SNAP29: variants seen among roughly 807,000 people sequenced by gnomAD.
The protein encoded by SNAP29 is synaptosome associated protein 29.
In SNAP29, 13 loss-of-function variants were observed where a neutral mutation model predicts 27.9. That is an observed-to-expected ratio of 0.47 (90% CI 0.30 to 0.74). The LOEUF (loss-of-function observed/expected upper bound fraction) is 0.74. Among genes scored for constraint, SNAP29 ranks in the 30% least tolerant of loss-of-function variants. The pLI, the probability that SNAP29 is intolerant of heterozygous loss-of-function variation, is 0.06. For missense variants in SNAP29, 368 were observed against 336.5 expected, an observed-to-expected ratio of 1.09 and a Z score of -0.73; for synonymous variants, 119 against 127.1, an observed-to-expected ratio of 0.94 and a Z score of 0.43.
intron 1 of SNAP29, among the ~76,000 whole-genome samples, chr22:20,860,131 G>A (rs560549891): frequency 1.1e-3 from 170 of 151,442 alleles, no homozygotes; most frequent in African/African-American, 4.0e-3. Context: ...GCGTCGGATC[G>A]CCTGAGCTCA....
rs2147864128 is a variant in SNAP29, at chr22:20,870,441, C to T, written c.342C>T (p.Ser114=). ...ISQKHINSIK[S]VFGGLVNYFK... ...AGAAACACATCAATAGCATTAAGAG[C>T]GTGTTTGGGGGGCTGGTCAATTACT... is the stretch of plus-strand genomic sequence containing the variant. The change falls in exon 2 of 5, where the codon AGC becomes AGT. Residue 114 remains serine, a synonymous_variant. Coordinates refer to ENST00000215730, the MANE Select transcript of SNAP29 (RefSeq NM_004782.4). 2.5e-6 allele frequency: 4 copies of T among 1,614,104 alleles called. No individual in the cohort carries two copies. Among genetic ancestry groups the T allele is most frequent in the East Asian group, 4.5e-5 (2 of 44,880 alleles).
At chr22:20,859,875 T>TA (rs1035717130) in intron 1 of SNAP29, among the ~76,000 whole-genome samples, 1 of 152,034 alleles carries the variant, frequency 6.6e-6, no homozygotes, top group Non-Finnish European at 1.5e-5. Flanking sequence ...CCAATAGAGG[T>TA]ATTGAAGTCC....
rs1929124979 is a variant in SNAP29, at chr22:20,890,543, G to A, written c.*2707G>A. 2.7e-6 allele frequency: 1 copy of A among 373,230 alleles called. No homozygotes were observed. The highest frequency in any genetic ancestry group is 1.5e-4 in the South Asian group (1 of 6,732). The allele number at this position is 373,230 out of a possible 1,614,324, so 23.1% of individuals were successfully genotyped here. ...GAGGCCAAGGCGGGGGGATCACGAG[G>A]TCAGGAGATCGAGACCATCCTGGCT... On this transcript the variant is annotated 3_prime_UTR_variant, in exon 5 of 5. Transcript: ENST00000215730.
chr22:20,859,827 G>A (rs1392962468), intron 1 of SNAP29, among the ~76,000 whole-genome samples: 2 of 152,158 alleles, frequency 1.3e-5, no homozygotes, highest in African/African-American at 2.4e-5. Flanking sequence ...GGTGGTCCAC[G>A]AGTTCTTCCC....
At chr22:20,875,163 C>G (rs1464533703) in intron 2 of SNAP29, among the ~76,000 whole-genome samples, 1 of 152,132 alleles carries the variant, frequency 6.6e-6, no homozygotes, top group Non-Finnish European at 1.5e-5. Flanking sequence ...ATCAGTGAGG[C>G]AGCCATAGTT....
At chr22:20,863,912 G>A (rs763959638) in intron 1 of SNAP29, among the ~76,000 whole-genome samples, 2 of 152,002 alleles carry the variant, frequency 1.3e-5, no homozygotes, top group Non-Finnish European at 2.9e-5. Context: ...TAATAGAATG[G>A]AGTTTGTTCC....
At chr22:20,869,958 A>AG (rs1338714010) in intron 1 of SNAP29, among the ~76,000 whole-genome samples, 1 of 151,900 alleles carries the variant, frequency 6.6e-6, no homozygotes, top group Non-Finnish European at 1.5e-5. Flanking sequence ...TTTAGTAGAG[A>AG]GGGGGTTTCA....
chr22:20,863,479 T>C (rs374772030), intron 1 of SNAP29, among the ~76,000 whole-genome samples: 30 of 152,332 alleles, frequency 2.0e-4, no homozygotes, highest in African/African-American at 6.5e-4. Flanking sequence ...GCCCTTCTCC[T>C]ACTGTGAAAC....
intron 4 of SNAP29, 101 bp from the exon 5 acceptor site, chr22:20,887,578 A>C: frequency 7.8e-7 from 1 of 1,285,278 alleles, no homozygotes; most frequent in Non-Finnish European, 1.1e-6. Context: ...CCCCCAGGCA[A>C]CACAGATCCC....
At chr22:20,870,243 G>C in intron 1 of SNAP29, 94 bp from the exon 2 acceptor site, 1 of 1,099,728 alleles carries the variant, frequency 9.1e-7, no homozygotes, top group East Asian at 2.4e-5. Context: ...TGTGCCCACT[G>C]AGAGTTTATG....
intron 1 of SNAP29, among the ~76,000 whole-genome samples, chr22:20,868,171 A>G (rs535451612): frequency 7.1e-4 from 108 of 152,366 alleles, no homozygotes; most frequent in African/African-American, 2.4e-3. Context: ...TGATGGAAGG[A>G]GCAGAAATGC....
Position 20,887,887 on chromosome 22 carries a change from T to C in SNAP29, c.*51T>C, listed in dbSNP as rs1238290226. 2 of 1,564,048 alleles carry C rather than the reference T, an allele frequency of 1.3e-6. No homozygotes were observed. The highest frequency in any genetic ancestry group is 1.8e-6 in the Non-Finnish European group (2 of 1,135,746). The stretch of plus-strand genomic sequence containing the variant: ...TGATGAAAAGATTTGAAAGATCTTT[T>C]TTTGAACTTCCAAGAAATTTCATTT... On this transcript the variant is annotated 3_prime_UTR_variant, in exon 5 of 5. Coordinates refer to ENST00000215730, the MANE Select transcript of SNAP29 (RefSeq NM_004782.4).
chr22:20,874,317 G>GGC (rs1555914209), intron 2 of SNAP29, among the ~76,000 whole-genome samples: 2 of 118,116 alleles, frequency 1.7e-5, no homozygotes, highest in African/African-American at 6.1e-5. Context: ...GACACACACA[G>GGC]ACACACACAC....
In SNAP29 at chr22:20,890,801, C is replaced by G. The variant is rs1465492154; in HGVS notation, c.*2965C>G. 6.8e-6 allele frequency: 1 copy of G among 147,224 alleles called. No homozygotes were observed. Among genetic ancestry groups the G allele is most frequent in the African/African-American group, 2.6e-5 (1 of 39,180 alleles). The allele number at this position is 147,224 out of a possible 1,614,324, so 9.1% of individuals were successfully genotyped here. A position where few individuals can be genotyped will look rare whatever the true frequency, so the allele number is the denominator to read the frequency against. On this transcript the variant is annotated 3_prime_UTR_variant, in exon 5 of 5. Coordinates refer to ENST00000215730, the MANE Select transcript of SNAP29 (RefSeq NM_004782.4). ...AAAAATAGTGCACTCTCTGGCTGGTCACGGTGGCTCACGCCTGTAATCTCA... is the reference window on the plus strand; with the variant it reads ...AAAAATAGTGCACTCTCTGGCTGGTGACGGTGGCTCACGCCTGTAATCTCA...
chr22:20,882,370 T>C (rs1928909908), intron 3 of SNAP29, among the ~76,000 whole-genome samples: 1 of 151,988 alleles, frequency 6.6e-6, no homozygotes. Flanking sequence ...GAAACATCCC[T>C]TATCTGGAAA....
rs1212911950 is a variant in SNAP29, at chr22:20,889,618, C to T, written c.*1782C>T. ...TTTCAGCAAAAAGGCTGCTTAAAAG[C>T]ATGAACCCGGGATGCAGAGCAGCTT... On this transcript the variant is annotated 3_prime_UTR_variant, in exon 5 of 5. Transcript: ENST00000215730. 6.6e-6 allele frequency: 1 copy of T among 152,212 alleles called. No individual in the cohort carries two copies. The highest frequency in any genetic ancestry group is 1.5e-5 in the Non-Finnish European group (1 of 68,042). 9.4% of individuals were successfully genotyped at this position (152,212 alleles called of 1,614,324 possible). A position where few individuals can be genotyped will look rare whatever the true frequency, so the allele number is the denominator to read the frequency against.
chr22:20,881,354 C>G (rs1297214328), intron 3 of SNAP29, among the ~76,000 whole-genome samples: 1 of 152,220 alleles, frequency 6.6e-6, no homozygotes, highest in Non-Finnish European at 1.5e-5. Flanking sequence ...CTCTCCCTCC[C>G]TCCCTCCATG....
intron 3 of SNAP29, 107 bp from the exon 4 acceptor site, chr22:20,883,364 C>G (rs988022462): frequency 1.3e-6 from 1 of 777,868 alleles, no homozygotes. Flanking sequence ...GAACCAACCC[C>G]TTCGTTCCTT....
At position 20,884,538 on chromosome 22, in the gene SNAP29, T is replaced by G. The variant is rs373379178; in HGVS notation, c.619+969T>G. Among the ~76,000 whole-genome samples, 56 of 152,242 alleles carry G rather than the reference T, an allele frequency of 3.7e-4. 1 individual carries two copies. Among genetic ancestry groups the G allele is most frequent in the African/African-American group, 1.3e-3 (55 of 41,538 alleles). ...CTGGATGGGCTCCCCCGACTCTCTGTAGGCTGGCTCCTTCTCTTTCTGTCA... is the reference window on the plus strand; with the variant it reads ...CTGGATGGGCTCCCCCGACTCTCTGGAGGCTGGCTCCTTCTCTTTCTGTCA... On this transcript the variant is annotated intron_variant, in intron 4 of 4. Coordinates refer to ENST00000215730, the MANE Select transcript of SNAP29 (RefSeq NM_004782.4).
Sources: allele counts gnomAD v4.1 joint callset (sites outside exome capture counted in the v4.1 genomes callset), GRCh38; gene constraint gnomAD v4.1.1; transcripts MANE v1.5; gene names NCBI Gene and HGNC (gene_info 2026-07-23, HGNC 2026-07-21).